The following MECOM variants were observed in gnomAD, a reference collection of about 807,000 sequenced individuals.
MECOM encodes MDS1 and EVI1 complex locus.
Under a neutral mutation model 116.3 loss-of-function variants are expected in MECOM, and 13 were observed. The observed-to-expected ratio is 0.11, with a 90% CI of 0.07 to 0.18. The LOEUF (loss-of-function observed/expected upper bound fraction) is 0.18, where lower values mean the gene tolerates loss of function less well. Among genes scored for constraint, MECOM ranks in the 10% least tolerant of loss-of-function variants. The probability of loss-of-function intolerance (pLI) is 1.00; values close to 1 mark genes in which losing one functional copy is unlikely to be tolerated. For missense variants in MECOM, 1,299 were observed against 1,509.0 expected, an observed-to-expected ratio of 0.86 and a Z score of 2.31; for synonymous variants, 528 against 535.2, an observed-to-expected ratio of 0.99 and a Z score of 0.19.
At chr3:169,271,680 G>A (rs1417828649) in intron 2 of MECOM, among the ~76,000 whole-genome samples, 1 of 151,866 alleles carries the variant, frequency 6.6e-6, no homozygotes, top group African/African-American at 2.4e-5. Flanking sequence ...ATGGGTGCAG[G>A]AAACCAACAT....
At chr3:169,659,247 ACACT>A (rs1383712730) in intron 1 of MECOM, among the ~76,000 whole-genome samples, 1 of 151,970 alleles carries the variant, frequency 6.6e-6, no homozygotes, top group Non-Finnish European at 1.5e-5. Flanking sequence ...GGCAAAAGTC[ACACT>A]CACTCACATT....
At chr3:169,429,359 G>T (rs988929619) in intron 1 of MECOM, among the ~76,000 whole-genome samples, 3 of 152,082 alleles carry the variant, frequency 2.0e-5, no homozygotes, top group African/African-American at 7.2e-5. Flanking sequence ...AAATAATTTT[G>T]CAGTATAAAG....
chr3:169,092,312 T>C (rs1277892243), intron 14 of MECOM, among the ~76,000 whole-genome samples: 3 of 151,934 alleles, frequency 2.0e-5, no homozygotes, highest in African/African-American at 4.8e-5. Context: ...AAAGTAGCAA[T>C]AGAATCTTAA....
intron 2 of MECOM, among the ~76,000 whole-genome samples, chr3:169,224,839 T>G (rs1752544498): frequency 6.6e-6 from 1 of 152,290 alleles, no homozygotes; most frequent in East Asian, 1.9e-4. Context: ...TGGCTAACAG[T>G]GCAACAATCT....
At chr3:169,472,501 AGGAAAG>A (rs1560317468) in intron 1 of MECOM, among the ~76,000 whole-genome samples, 1 of 89,532 alleles carries the variant, frequency 1.1e-5, no homozygotes, top group African/African-American at 5.1e-5. Flanking sequence ...AGGAAAGGAA[AGGAAAG>A]GAAAGGAAAG....
intron 1 of MECOM, among the ~76,000 whole-genome samples, chr3:169,476,182 A>G (rs1477175034): frequency 6.6e-6 from 1 of 152,202 alleles, no homozygotes; most frequent in Non-Finnish European, 1.5e-5. Context: ...TGGGCACAAC[A>G]GTGGCCCACT....
chr3:169,292,165 A>C (rs1380720447), intron 2 of MECOM, among the ~76,000 whole-genome samples: 1 of 152,054 alleles, frequency 6.6e-6, no homozygotes, highest in Admixed American at 6.6e-5. Context: ...CAACATGGTG[A>C]AACCCTGTCT....
intron 1 of MECOM, among the ~76,000 whole-genome samples, chr3:169,548,036 T>C (rs1477117285): frequency 6.6e-6 from 1 of 152,182 alleles, no homozygotes; most frequent in African/African-American, 2.4e-5. Flanking sequence ...ACCAATGTAT[T>C]AAAGGCTTTC....
intron 1 of MECOM, among the ~76,000 whole-genome samples, chr3:169,458,419 T>C (rs930724488): frequency 2.6e-5 from 4 of 152,166 alleles, no homozygotes; most frequent in African/African-American, 9.7e-5. Flanking sequence ...ATGCCACTTA[T>C]CCAACAGCGC....
intron 1 of MECOM, among the ~76,000 whole-genome samples, chr3:169,403,114 T>C (rs1176421976): frequency 6.6e-6 from 1 of 152,222 alleles, no homozygotes; most frequent in Non-Finnish European, 1.5e-5. Context: ...ATCAACATTC[T>C]CTATACAGCG....
Position 169,084,636 on chromosome 3 carries a change from GT to G in MECOM, c.*272del, listed in dbSNP as rs1717074113. 3 of 357,544 alleles carry G rather than the reference GT, an allele frequency of 8.4e-6. No individual in the cohort carries two copies. The highest frequency in any genetic ancestry group is 1.5e-5 in the Non-Finnish European group (3 of 197,086). 22.1% of individuals were successfully genotyped at this position (357,544 alleles called of 1,614,324 possible). ...CTGGAAGATGCCTTCAGCCCACCAA[GT>G]TTTTTGTTTTCACTGAATCACTTTA... is the stretch of plus-strand genomic sequence containing the variant. On this transcript the variant is annotated 3_prime_UTR_variant, in exon 17 of 17. Transcript: ENST00000651503.
chr3:169,201,917 G>A (rs1749203405), intron 2 of MECOM, among the ~76,000 whole-genome samples: 1 of 151,720 alleles, frequency 6.6e-6, no homozygotes, highest in Non-Finnish European at 1.5e-5. Flanking sequence ...CTTCTATGTG[G>A]TCACCCACAG....
At chr3:169,343,224 G>C (rs527263570) in intron 2 of MECOM, among the ~76,000 whole-genome samples, 1 of 152,286 alleles carries the variant, frequency 6.6e-6, no homozygotes, top group East Asian at 1.9e-4. Context: ...GATTTTGTGA[G>C]TCCTTTTTCT....
intron 14 of MECOM, among the ~76,000 whole-genome samples, chr3:169,091,752 CT>C: frequency 6.6e-6 from 1 of 152,034 alleles, no homozygotes. Context: ...CTTTGATACA[CT>C]TTTATACAAG....
At chr3:169,474,269 T>C (rs1411917611) in intron 1 of MECOM, among the ~76,000 whole-genome samples, 3 of 152,184 alleles carry the variant, frequency 2.0e-5, no homozygotes, top group South Asian at 2.1e-4. Flanking sequence ...CTATCTTTGG[T>C]ATTTTGTAAA....
At chr3:169,097,143 A>C (rs149225214) in intron 12 of MECOM, among the ~76,000 whole-genome samples, 234 of 152,208 alleles carry the variant, frequency 1.5e-3, no homozygotes, top group African/African-American at 5.5e-3. Context: ...ACTTTAGAAA[A>C]AATTTTTCAC....
intron 2 of MECOM, among the ~76,000 whole-genome samples, chr3:169,297,647 T>TA (rs1715876352): frequency 6.6e-6 from 1 of 152,126 alleles, no homozygotes; most frequent in African/African-American, 2.4e-5. Flanking sequence ...AAATATTATT[T>TA]TAAAAAAAAT....
chr3:169,376,480 G>C (rs955373375), intron 2 of MECOM, among the ~76,000 whole-genome samples: 3 of 152,134 alleles, frequency 2.0e-5, no homozygotes, highest in South Asian at 2.1e-4. Flanking sequence ...CTTCAGCAAA[G>C]TCTCAGGATA....
chr3:169,278,892 T>G (rs752971303), intron 2 of MECOM, among the ~76,000 whole-genome samples: 79 of 152,212 alleles, frequency 5.2e-4, no homozygotes, highest in Admixed American at 2.0e-4. Flanking sequence ...TCCAGAGGTG[T>G]GGAGACACTA....
Sources: allele counts gnomAD v4.1 joint callset (sites outside exome capture counted in the v4.1 genomes callset), GRCh38; gene constraint gnomAD v4.1.1; transcripts MANE v1.5; gene names NCBI Gene and HGNC (gene_info 2026-07-23, HGNC 2026-07-21).